RELN: variants seen among roughly 807,000 people sequenced by gnomAD.
RELN encodes the protein reelin.
A neutral mutation model predicts 427.6 loss-of-function variants in RELN; 108 were observed. The observed-to-expected ratio is 0.25, with a 90% CI of 0.22 to 0.30. The LOEUF (loss-of-function observed/expected upper bound fraction) is 0.30. RELN is among the 10% of genes least tolerant of loss of function. The probability of loss-of-function intolerance (pLI) is 1.00; values close to 1 mark genes in which losing one functional copy is unlikely to be tolerated. For missense variants in RELN, 3,715 were observed against 4,302.8 expected, an observed-to-expected ratio of 0.86 and a Z score of 3.82; for synonymous variants, 1,524 against 1,513.4, an observed-to-expected ratio of 1.01 and a Z score of -0.16.
intron 3 of RELN, among the ~76,000 whole-genome samples, chr7:103,832,611 T>C (rs1793301559): frequency 6.6e-6 from 1 of 151,888 alleles, no homozygotes; most frequent in South Asian, 2.1e-4. Context: ...GACTGCAGGG[T>C]GAATGAGGGG....
chr7:103,515,395 G>T lies in RELN; in HGVS notation c.7909C>A (p.Arg2637Ser), dbSNP rs587780438. The change falls in exon 50 of 65, where the codon CGC becomes AGC. Residue 2637 changes from arginine to serine, a missense_variant. By Grantham distance (110) the Arg-to-Ser change is moderately radical. This residue lies in a region of RELN where 1,310 missense variants were observed against 1,643.0 expected (regional missense o/e 0.80). Transcript: ENST00000428762. ...TGTCTTGGCTGCCACCAGCGGAAGC[G>T]AGTGGCAATCTCTTTAGCATCAGGA... ...LPPDAKEIAT[R>S]FRWWQPRHDG... 1 of 1,614,032 alleles carries T rather than the reference G, an allele frequency of 6.2e-7. No individual in the cohort carries two copies. Among genetic ancestry groups the T allele is most frequent in the South Asian group, 1.1e-5 (1 of 91,080 alleles).
chr7:103,909,596 G>A (rs2116646790), intron 2 of RELN, among the ~76,000 whole-genome samples: 2 of 135,634 alleles, frequency 1.5e-5, no homozygotes, highest in South Asian at 4.4e-4. Flanking sequence ...AACAAAGCAA[G>A]ACTTCATCTC....
At chr7:103,769,368 C>G (rs933490958) in intron 4 of RELN, among the ~76,000 whole-genome samples, 1 of 152,142 alleles carries the variant, frequency 6.6e-6, no homozygotes, top group Admixed American at 6.5e-5. Flanking sequence ...CGTGAGGATA[C>G]AGCATTCCTC....
intron 2 of RELN, among the ~76,000 whole-genome samples, chr7:103,910,461 T>G (rs1046493921): frequency 2.0e-5 from 3 of 151,668 alleles, no homozygotes; most frequent in African/African-American, 4.9e-5. Flanking sequence ...TGAATAGGAG[T>G]GGTGAGATCA....
chr7:103,783,748 ATAG>A (rs1476782177), intron 3 of RELN, among the ~76,000 whole-genome samples: 2 of 152,190 alleles, frequency 1.3e-5, no homozygotes, highest in Non-Finnish European at 2.9e-5. Context: ...TGAATGGTTA[ATAG>A]TAACTTAGCT....
At chr7:103,492,801 A>T (rs531440010) in intron 57 of RELN, among the ~76,000 whole-genome samples, 1 of 152,342 alleles carries the variant, frequency 6.6e-6, no homozygotes, top group African/African-American at 2.4e-5. Context: ...GATAGGGTAC[A>T]TGCGAGCTGC....
chr7:103,785,268 T>C (rs1288843750), intron 3 of RELN, among the ~76,000 whole-genome samples: 1 of 152,126 alleles, frequency 6.6e-6, no homozygotes, highest in Non-Finnish European at 1.5e-5. Context: ...AAACACCTTT[T>C]AATTAAGTAA....
At chr7:103,593,903 AAAACAAAAGGC>A (rs1831478815) in intron 26 of RELN, 21 bp from the exon 27 acceptor site, 1 of 1,573,130 alleles carries the variant, frequency 6.4e-7, no homozygotes, top group East Asian at 2.2e-5. Flanking sequence ...CAATACAAAT[AAAACAAAAGGC>A]AATTTGATAG....
chr7:103,653,054 A>C (rs963708385), intron 13 of RELN, among the ~76,000 whole-genome samples: 1 of 152,044 alleles, frequency 6.6e-6, no homozygotes, highest in Non-Finnish European at 1.5e-5. Context: ...TTATCTAAGC[A>C]TGTGTATCCA....
chr7:103,498,007 A>G lies in RELN; in HGVS notation c.8843+70T>C, dbSNP rs1346733494. 31 of 1,600,012 alleles carry G rather than the reference A, an allele frequency of 1.9e-5. No homozygotes were observed. In the Admixed American group the frequency reaches 5.0e-4, roughly 26 times the overall value. On this transcript the variant is annotated intron_variant, in intron 54 of 64. Transcript: ENST00000428762. ...TCAAGTCCTGGATAATTTCTTCCAT[A>G]CAAGTGTTCCTTGCTTTGGGACCAA...
intron 1 of RELN, among the ~76,000 whole-genome samples, chr7:103,962,733 T>C (rs1053344318): frequency 6.6e-6 from 1 of 152,032 alleles, no homozygotes; most frequent in African/African-American, 2.4e-5. Context: ...TACCAAAACA[T>C]AGCATGACAA....
At chr7:103,711,347 T>C (rs1313255173) in intron 8 of RELN, among the ~76,000 whole-genome samples, 1 of 152,176 alleles carries the variant, frequency 6.6e-6, no homozygotes, top group Non-Finnish European at 1.5e-5. Flanking sequence ...CCCACACAAC[T>C]CAGACCCACC....
chr7:103,962,313 C>T (rs988198050), intron 1 of RELN, among the ~76,000 whole-genome samples: 4 of 152,152 alleles, frequency 2.6e-5, no homozygotes, highest in Non-Finnish European at 5.9e-5. Flanking sequence ...TTCCTCTCAA[C>T]CCCATACACG....
intron 12 of RELN, among the ~76,000 whole-genome samples, chr7:103,656,885 T>C (rs556931470): frequency 6.6e-6 from 1 of 152,066 alleles, no homozygotes; most frequent in African/African-American, 2.4e-5. Flanking sequence ...CATTTTCAGG[T>C]ATATAGATCC....
At position 103,575,706 on chromosome 7, in the gene RELN, C is replaced by T; in HGVS notation, c.4146-1G>A. 6.2e-7 allele frequency: 1 copy of T among 1,614,128 alleles called. No homozygotes were observed. The highest frequency in any genetic ancestry group is 8.5e-7 in the Non-Finnish European group (1 of 1,179,996). On this transcript the variant is annotated splice_acceptor_variant, in intron 28 of 64. Coordinates refer to ENST00000428762, the MANE Select transcript of RELN (RefSeq NM_005045.4). LOFTEE classifies it high-confidence loss of function. ...CTGGATCCATCGGAATCTGGTCTTG[C>T]TGTTGGGAAAAACAACACACCTGTT...
At chr7:103,836,207 A>G (rs1260201735) in intron 2 of RELN, among the ~76,000 whole-genome samples, 1 of 152,026 alleles carries the variant, frequency 6.6e-6, no homozygotes, top group East Asian at 1.9e-4. Flanking sequence ...TGATCCACCC[A>G]CCTTGGCCTC....
chr7:103,806,768 T>TA (rs1230356556), intron 3 of RELN, among the ~76,000 whole-genome samples: 1 of 152,178 alleles, frequency 6.6e-6, no homozygotes, highest in Admixed American at 6.5e-5. Flanking sequence ...TTCTTGGCCT[T>TA]AAAATCAAGT....
chr7:103,602,694 T>C (rs1831701979), intron 24 of RELN, among the ~76,000 whole-genome samples: 1 of 151,910 alleles, frequency 6.6e-6, no homozygotes, highest in Admixed American at 6.6e-5. Flanking sequence ...GATGGGGGAC[T>C]AGGAGAGGGA....
intron 4 of RELN, among the ~76,000 whole-genome samples, chr7:103,773,539 G>A (rs189045717): frequency 1.2e-3 from 181 of 149,474 alleles, no homozygotes; most frequent in Middle Eastern, 6.9e-3. Flanking sequence ...GTGCAATTTC[G>A]GCTCACTGCA....
Sources: allele counts gnomAD v4.1 joint callset (sites outside exome capture counted in the v4.1 genomes callset), GRCh38; gene constraint gnomAD v4.1.1; regional missense constraint gnomAD v4.1.1; transcripts MANE v1.5; gene names NCBI Gene and HGNC (gene_info 2026-07-23, HGNC 2026-07-21).